DLGAP1: variants seen among roughly 807,000 people sequenced by gnomAD.
DLGAP1 encodes the protein DLG associated protein 1, also known as disks large-associated protein 1.
DLGAP1 carries 11 observed loss-of-function variants against 90.8 expected under a neutral mutation model. The ratio of observed to expected loss-of-function variants is 0.12; its 90% CI spans 0.08 to 0.20. The LOEUF (loss-of-function observed/expected upper bound fraction) is 0.20, where lower values mean the gene tolerates loss of function less well. Ranked by LOEUF, DLGAP1 falls within the 10% of genes least tolerant of loss-of-function variation. The pLI is 1.00. For synonymous variants in DLGAP1, 558 were observed against 540.7 expected (o/e 1.03, Z -0.44); for missense variants, 1,050 against 1,333.8 (o/e 0.79, Z 3.31).
intron 1 of DLGAP1, among the ~76,000 whole-genome samples, chr18:4,160,790 A>T (rs1428872301): frequency 6.6e-6 from 1 of 152,176 alleles, no homozygotes; most frequent in East Asian, 1.9e-4. Flanking sequence ...TAATTCCTTA[A>T]TATAAGCCTG....
At chr18:4,434,062 C>G (rs764645536) in intron 1 of DLGAP1, among the ~76,000 whole-genome samples, 1 of 152,052 alleles carries the variant, frequency 6.6e-6, no homozygotes, top group Non-Finnish European at 1.5e-5. Flanking sequence ...ATAAACTTCT[C>G]CTTCAAAAGC....
intron 5 of DLGAP1, among the ~76,000 whole-genome samples, chr18:3,754,820 C>G (rs144383848): frequency 1.9e-4 from 29 of 151,536 alleles, no homozygotes; most frequent in Non-Finnish European, 5.9e-5. Context: ...TGCTTGAACC[C>G]GGGGGTTGGA....
chr18:3,939,607 A>G (rs1768232736), intron 3 of DLGAP1, among the ~76,000 whole-genome samples: 1 of 152,190 alleles, frequency 6.6e-6, no homozygotes, highest in Non-Finnish European at 1.5e-5. Context: ...GTATCTTAGT[A>G]TCTTACAGGG....
At chr18:4,404,458 C>G (rs1210731218) in intron 1 of DLGAP1, among the ~76,000 whole-genome samples, 1 of 152,018 alleles carries the variant, frequency 6.6e-6, no homozygotes, top group Admixed American at 6.6e-5. Context: ...GCTTAAACAA[C>G]AACAAAATAT....
chr18:3,619,803 T>C (rs2146010843), intron 7 of DLGAP1, among the ~76,000 whole-genome samples: 1 of 146,192 alleles, frequency 6.8e-6, no homozygotes. Flanking sequence ...GGAGTTGGTT[T>C]TTTTTTGTTT....
At chr18:3,580,789 G>C (rs184996734) in intron 8 of DLGAP1, 1 of 1,604,280 alleles carries the variant, frequency 6.2e-7, no homozygotes, top group African/African-American at 1.3e-5. Context: ...CATGGTCAGG[G>C]GTGGTGCCGA....
intron 3 of DLGAP1, among the ~76,000 whole-genome samples, chr18:3,992,737 C>A (rs7242020): frequency 0.042 from 6,423 of 152,166 alleles, 344 homozygotes; most frequent in African/African-American, 0.13. Context: ...CTGGAAAAAT[C>A]AACTGATCTA....
At chr18:4,401,427 C>CACT (rs2144528732) in intron 1 of DLGAP1, among the ~76,000 whole-genome samples, 1 of 152,296 alleles carries the variant, frequency 6.6e-6, no homozygotes, top group Admixed American at 6.5e-5. Flanking sequence ...AAGTACCAGG[C>CACT]ACTACACTAG....
chr18:3,958,643 T>C (rs983975571), intron 3 of DLGAP1, among the ~76,000 whole-genome samples: 8 of 143,762 alleles, frequency 5.6e-5, no homozygotes, highest in African/African-American at 1.8e-4. Context: ...AAAAAAAGGC[T>C]TTGTGGCAGG....
intron 1 of DLGAP1, chr18:4,295,018 G>A (rs745655157): frequency 6.2e-4 from 94 of 152,332 alleles, no homozygotes; most frequent in African/African-American, 2.2e-3. Context: ...ATCTGCTCCT[G>A]GAGCCTGGGG....
chr18:4,232,426 C>T (rs1036514378), intron 1 of DLGAP1, among the ~76,000 whole-genome samples: 5 of 152,104 alleles, frequency 3.3e-5, no homozygotes, highest in East Asian at 1.9e-4. Context: ...CTTGTTTTCT[C>T]GATAATGAAC....
chr18:3,620,233 G>A (rs554968662), intron 7 of DLGAP1, among the ~76,000 whole-genome samples: 2 of 152,124 alleles, frequency 1.3e-5, no homozygotes, highest in Non-Finnish European at 2.9e-5. Flanking sequence ...GGGCAGAAGT[G>A]TGTGTGTGCG....
chr18:4,023,281 T>C (rs890824523), intron 2 of DLGAP1, among the ~76,000 whole-genome samples: 3 of 152,182 alleles, frequency 2.0e-5, no homozygotes, highest in African/African-American at 2.4e-5. Context: ...TTTTCTCCTT[T>C]CTTTTCTTTT....
chr18:3,560,296 G>A (rs1447345747), intron 9 of DLGAP1, among the ~76,000 whole-genome samples: 2 of 151,828 alleles, frequency 1.3e-5, no homozygotes, highest in African/African-American at 4.8e-5. Flanking sequence ...GTGTGTGCCT[G>A]TAATCCCAGC....
chr18:3,681,646 C>T (rs1469480174), intron 7 of DLGAP1, among the ~76,000 whole-genome samples: 3 of 152,084 alleles, frequency 2.0e-5, no homozygotes, highest in African/African-American at 7.2e-5. Context: ...ACTAAGAGAC[C>T]AAGTCACATG....
At chr18:3,600,981 GATATAGATATATAGAT>G (rs377416543) in intron 7 of DLGAP1, among the ~76,000 whole-genome samples, 18 of 71,166 alleles carry the variant, frequency 2.5e-4, no homozygotes, top group Non-Finnish European at 5.8e-4. Context: ...TAGATATATA[GATATAGATATATAGAT>G]ATATAGATAT....
intron 2 of DLGAP1, among the ~76,000 whole-genome samples, chr18:4,133,887 A>G (rs2076356794): frequency 6.6e-6 from 1 of 152,024 alleles, no homozygotes; most frequent in Non-Finnish European, 1.5e-5. Flanking sequence ...GGGATTTAAA[A>G]GGACTTGGGG....
At position 4,145,848 on chromosome 18, in the gene DLGAP1, C is replaced by G. The variant is rs368243333; in HGVS notation, c.-159+5332G>C. Among the ~76,000 whole-genome samples, 8 of 152,236 alleles carry G rather than the reference C, an allele frequency of 5.3e-5. No individual in the cohort carries two copies. In the East Asian group the frequency reaches 1.5e-3, roughly 29 times the overall value. ...TTTAGTTTCTCCCCAAGCTAGATTA[C>G]AAGGCAGAAAACAAAACGTAATTTG... On this transcript the variant is annotated intron_variant, in intron 2 of 12. Coordinates refer to ENST00000315677, the MANE Select transcript of DLGAP1 (RefSeq NM_004746.4).
intron 4 of DLGAP1, among the ~76,000 whole-genome samples, chr18:3,828,675 C>T (rs1280257317): frequency 1.0e-5 from 1 of 97,582 alleles, no homozygotes; most frequent in Non-Finnish European, 2.3e-5. Flanking sequence ...GACAAAAAGA[C>T]AAAACAAAAC....
Sources: gnomAD v4.1 joint callset for allele counts (sites outside exome capture counted in the v4.1 genomes callset) on GRCh38, gnomAD v4.1.1 for gene constraint, MANE v1.5 for transcripts, NCBI Gene and HGNC (gene_info 2026-07-23, HGNC 2026-07-21) for gene names.